The following GPC5 variants were observed in gnomAD, a reference collection of about 807,000 sequenced individuals.
GPC5 encodes the protein glypican-5.
Under a neutral mutation model 53.9 loss-of-function variants are expected in GPC5, and 47 were observed. That is an observed-to-expected ratio of 0.87 (90% CI 0.69 to 1.11). The LOEUF is 1.11. Ranked by LOEUF, GPC5 falls within the 50% of genes most tolerant of loss-of-function variation. The pLI is 0.00. For synonymous variants in GPC5, 286 were observed against 263.3 expected, an observed-to-expected ratio of 1.09 and a Z score of -0.84; for missense variants, 748 against 713.1, an observed-to-expected ratio of 1.05 and a Z score of -0.56.
At chr13:92,303,541 A>T (rs1281105691) in intron 7 of GPC5, among the ~76,000 whole-genome samples, 2 of 152,016 alleles carry the variant, frequency 1.3e-5, no homozygotes, top group Non-Finnish European at 1.5e-5. Flanking sequence ...TGTCAGGGAG[A>T]CAGGCCCTGA....
intron 1 of GPC5, among the ~76,000 whole-genome samples, chr13:91,442,810 G>A (rs548583559): frequency 6.6e-5 from 10 of 152,158 alleles, no homozygotes; most frequent in Non-Finnish European, 1.5e-4. Context: ...GTTGCTTAAT[G>A]CCTATATCCA....
At chr13:91,608,799 A>C (rs766642453) in intron 2 of GPC5, among the ~76,000 whole-genome samples, 3 of 151,894 alleles carry the variant, frequency 2.0e-5, no homozygotes, top group Non-Finnish European at 4.4e-5. Context: ...AGATTTAGAA[A>C]GTTCCAAACT....
intron 7 of GPC5, among the ~76,000 whole-genome samples, chr13:92,519,521 A>G (rs1018958937): frequency 6.6e-6 from 1 of 152,346 alleles, no homozygotes; most frequent in Admixed American, 6.5e-5. Context: ...CCTGCTCTTG[A>G]ATGACTACTG....
chr13:92,251,722 G>C (rs2042694013), intron 7 of GPC5, among the ~76,000 whole-genome samples: 1 of 152,104 alleles, frequency 6.6e-6, no homozygotes. Context: ...GTGTTAATGG[G>C]ATGGGAAGAA....
At chr13:91,478,937 G>A (rs1257587449) in intron 2 of GPC5, among the ~76,000 whole-genome samples, 2 of 118,512 alleles carry the variant, frequency 1.7e-5, no homozygotes, top group African/African-American at 6.2e-5. Flanking sequence ...TTCTTTAGAT[G>A]CAGTCTTGTT....
At chr13:92,581,391 G>A (rs1259351983) in intron 7 of GPC5, among the ~76,000 whole-genome samples, 1 of 152,014 alleles carries the variant, frequency 6.6e-6, no homozygotes, top group Non-Finnish European at 1.5e-5. Context: ...CATTGCAAAT[G>A]ACAAGATTTC....
At chr13:91,986,402 C>G (rs2040408991) in intron 6 of GPC5, among the ~76,000 whole-genome samples, 1 of 152,170 alleles carries the variant, frequency 6.6e-6, no homozygotes. Context: ...TTTTTAAACA[C>G]TTAAGTAACT....
intron 7 of GPC5, among the ~76,000 whole-genome samples, chr13:92,399,537 A>AAC (rs145691790): frequency 6.6e-6 from 1 of 151,936 alleles, no homozygotes; most frequent in African/African-American, 2.4e-5. Context: ...TTAACACACA[A>AAC]ACACACACAC....
At chr13:91,595,848 C>A (rs2032975728) in intron 2 of GPC5, among the ~76,000 whole-genome samples, 1 of 152,204 alleles carries the variant, frequency 6.6e-6, no homozygotes. Flanking sequence ...CCCCACCATT[C>A]TTCTGCAATT....
chr13:92,823,676 C>T (rs1352547969), intron 7 of GPC5, among the ~76,000 whole-genome samples: 2 of 151,928 alleles, frequency 1.3e-5, no homozygotes, highest in Non-Finnish European at 2.9e-5. Context: ...ACTAGCATTG[C>T]AATTAAAAAA....
At chr13:92,743,511 T>G (rs1889161056) in intron 7 of GPC5, among the ~76,000 whole-genome samples, 1 of 152,152 alleles carries the variant, frequency 6.6e-6, no homozygotes. Context: ...TTTCTAGATA[T>G]ACAATCATGT....
chr13:91,953,521 C>A (rs1039095101), intron 6 of GPC5, among the ~76,000 whole-genome samples: 2 of 151,740 alleles, frequency 1.3e-5, no homozygotes, highest in Non-Finnish European at 2.9e-5. Context: ...ATAGAAGACA[C>A]CAATTAACTT....
chr13:92,592,068 T>G (rs541556493), intron 7 of GPC5, among the ~76,000 whole-genome samples: 109 of 152,326 alleles, frequency 7.2e-4, no homozygotes, highest in African/African-American at 2.5e-3. Flanking sequence ...CACACATCAG[T>G]GGAGTTCTCT....
chr13:91,751,856 A>G (rs997808629), intron 4 of GPC5, among the ~76,000 whole-genome samples: 3 of 152,134 alleles, frequency 2.0e-5, no homozygotes, highest in Admixed American at 1.3e-4. Flanking sequence ...TCTAATGCTC[A>G]CTGTACAGCA....
chr13:92,280,143 C>A (rs2042904168), intron 7 of GPC5, among the ~76,000 whole-genome samples: 1 of 152,002 alleles, frequency 6.6e-6, no homozygotes, highest in East Asian at 1.9e-4. Flanking sequence ...AGAAAATTTT[C>A]CAATTTGTCT....
intron 2 of GPC5, among the ~76,000 whole-genome samples, chr13:91,647,404 T>C (rs1397015032): frequency 1.3e-5 from 2 of 152,212 alleles, no homozygotes; most frequent in South Asian, 2.1e-4. Flanking sequence ...TAATAGAACC[T>C]TTTAGATTTA....
At chr13:92,724,911 C>G (rs1401282721) in intron 7 of GPC5, among the ~76,000 whole-genome samples, 6 of 144,142 alleles carry the variant, frequency 4.2e-5, no homozygotes, top group African/African-American at 1.6e-4. Flanking sequence ...CACACACACA[C>G]AAGAAAGAAA....
intron 7 of GPC5, among the ~76,000 whole-genome samples, chr13:92,153,228 G>T (rs1017000038): frequency 1.3e-5 from 2 of 152,070 alleles, no homozygotes; most frequent in Non-Finnish European, 2.9e-5. Context: ...CGCCTCCTGG[G>T]TTCAATTCTC....
At chr13:92,517,506 C>T (rs571899564) in intron 7 of GPC5, among the ~76,000 whole-genome samples, 3 of 152,280 alleles carry the variant, frequency 2.0e-5, no homozygotes, top group South Asian at 4.1e-4. Context: ...GGAACGATCA[C>T]GCAGCAACAT....
Sources: allele counts gnomAD v4.1 joint callset (sites outside exome capture counted in the v4.1 genomes callset), GRCh38; gene constraint gnomAD v4.1.1; transcripts MANE v1.5; gene names NCBI Gene and HGNC (gene_info 2026-07-23, HGNC 2026-07-21).